The following MGAT5 variants were observed in gnomAD, a reference collection of about 807,000 sequenced individuals.
MGAT5 encodes the protein alpha-1,6-mannosylglycoprotein 6-beta-N-acetylglucosaminyltransferase.
MGAT5 carries 30 observed loss-of-function variants against 94.3 expected under a neutral mutation model. The ratio of observed to expected loss-of-function variants is 0.32; its 90% CI spans 0.24 to 0.43. The LOEUF (loss-of-function observed/expected upper bound fraction) is 0.43, where lower values mean the gene tolerates loss of function less well. Among genes scored for constraint, MGAT5 ranks in the 20% least tolerant of loss-of-function variants. MGAT5 has a pLI of 1.00. For missense variants in MGAT5, 691 were observed against 905.5 expected (o/e 0.76, Z 3.04); for synonymous variants, 310 against 322.9 (o/e 0.96, Z 0.43).
At chr2:134,302,345 T>A (rs2105827783) in intron 2 of MGAT5, among the ~76,000 whole-genome samples, 1 of 152,314 alleles carries the variant, frequency 6.6e-6, no homozygotes, top group Admixed American at 6.5e-5. Flanking sequence ...CTTTGTACTA[T>A]TGTTGTTCAA....
intron 10 of MGAT5, among the ~76,000 whole-genome samples, chr2:134,370,998 T>C (rs1297755373): frequency 6.6e-6 from 1 of 151,472 alleles, no homozygotes; most frequent in Non-Finnish European, 1.5e-5. Context: ...CCTTACCCGA[T>C]GTCATCACCC....
chr2:134,380,478 G>C (rs1057210568), intron 10 of MGAT5, among the ~76,000 whole-genome samples: 19 of 152,116 alleles, frequency 1.2e-4, no homozygotes, highest in South Asian at 2.1e-4. Context: ...AAGAAAAAGG[G>C]ACATGGATTA....
At chr2:134,236,825 G>A (rs1681662751) in intron 1 of MGAT5, among the ~76,000 whole-genome samples, 1 of 152,110 alleles carries the variant, frequency 6.6e-6, no homozygotes, top group Admixed American at 6.5e-5. Flanking sequence ...ACTCTGTCTT[G>A]TACCCTCAGT....
chr2:134,386,852 G>C lies in MGAT5; in HGVS notation c.1381-16136G>C, dbSNP rs138428518. Among the ~76,000 whole-genome samples the C allele has an allele frequency of 4.4e-4, 67 of 152,270 alleles. 1 individual carries two copies. Among genetic ancestry groups the C allele is most frequent in the African/African-American group, 1.5e-3 (63 of 41,538 alleles). On this transcript the variant is annotated intron_variant, in intron 10 of 15. Coordinates refer to ENST00000281923, the MANE Select transcript of MGAT5 (RefSeq NM_002410.5). ...TAGAGAAGTAGTTCTATATGCTTAG[G>C]AAATATGTATATATGGGATATCTCA...
At chr2:134,323,602 A>C (rs1056547922) in intron 4 of MGAT5, among the ~76,000 whole-genome samples, 2 of 152,124 alleles carry the variant, frequency 1.3e-5, no homozygotes, top group Non-Finnish European at 2.9e-5. Flanking sequence ...TGATGAAGGA[A>C]AACGGATCTT....
chr2:134,402,918 AGTC>A (rs1254262182), intron 10 of MGAT5, 67 bp from the exon 11 acceptor site: 2 of 1,446,832 alleles, frequency 1.4e-6, no homozygotes, highest in African/African-American at 1.4e-5. Flanking sequence ...TAGAAGTTCT[AGTC>A]CATGATACAG....
chr2:134,277,248 C>A (rs1226588365), intron 2 of MGAT5, among the ~76,000 whole-genome samples: 1 of 152,026 alleles, frequency 6.6e-6, no homozygotes, highest in Non-Finnish European at 1.5e-5. Flanking sequence ...ATAGTAGTGT[C>A]CATTTCACAG....
intron 15 of MGAT5, among the ~76,000 whole-genome samples, chr2:134,444,465 T>G (rs1396009797): frequency 6.6e-6 from 1 of 152,154 alleles, no homozygotes; most frequent in African/African-American, 2.4e-5. Flanking sequence ...TCTCTGAACA[T>G]AAGAACCCTG....
Position 134,272,744 on chromosome 2 carries a change from G to A in MGAT5, c.406+2194G>A, listed in dbSNP as rs190065929. Among the ~76,000 whole-genome samples the A allele has an allele frequency of 5.3e-5, 8 of 152,314 alleles. No homozygotes were observed. The East Asian group carries it at 1.5e-3, about 29-fold the overall frequency. ...TTTAAGTACTTGGGAGTGGGTGACT[G>A]TTGGTACTGGAGTCCCCTGAGCTCA... On this transcript the variant is annotated intron_variant, in intron 2 of 15. Coordinates refer to ENST00000281923, the MANE Select transcript of MGAT5 (RefSeq NM_002410.5).
chr2:134,265,602 C>T (rs1683664988), intron 1 of MGAT5, among the ~76,000 whole-genome samples: 1 of 152,162 alleles, frequency 6.6e-6, no homozygotes, highest in Non-Finnish European at 1.5e-5. Flanking sequence ...TCGTCTTCAT[C>T]ATGTACAGTA....
At chr2:134,342,753 A>G (rs761918302) in intron 7 of MGAT5, among the ~76,000 whole-genome samples, 38 of 150,984 alleles carry the variant, frequency 2.5e-4, no homozygotes, top group South Asian at 6.3e-4. Flanking sequence ...TACACAACCT[A>G]CAAAGTGGCT....
chr2:134,392,398 T>C (rs1682463522), intron 10 of MGAT5, among the ~76,000 whole-genome samples: 1 of 152,208 alleles, frequency 6.6e-6, no homozygotes, highest in Admixed American at 6.5e-5. Flanking sequence ...GCTTCTGTCT[T>C]AAAAATCAGC....
At chr2:134,192,979 T>A (rs929599757) in intron 1 of MGAT5, among the ~76,000 whole-genome samples, 4 of 151,358 alleles carry the variant, frequency 2.6e-5, no homozygotes, top group Admixed American at 6.5e-5. Context: ...TTTAAAAAAA[T>A]TTTTCTTTGT....
chr2:134,440,133 A>G (rs1040675609), intron 14 of MGAT5, among the ~76,000 whole-genome samples: 11 of 151,962 alleles, frequency 7.2e-5, no homozygotes, highest in Admixed American at 4.6e-4. Context: ...GGTTTCCTCT[A>G]TTCCCTCTAG....
rs1558804137 is a variant in MGAT5 at position 134,338,438 on chromosome 2, T to G, written c.807+18T>G. 1 of 1,582,192 alleles carries G rather than the reference T, an allele frequency of 6.3e-7. No homozygotes were observed. The highest frequency in any genetic ancestry group is 2.3e-5 in the East Asian group (1 of 44,302). The stretch of plus-strand genomic sequence containing the variant: ...GGAAGAAAGTGAGTTTCTTATTAAT[T>G]CAGTGCAGTTAGATGCCAGCTTTCT... On this transcript the variant is annotated intron_variant, in intron 6 of 15. Transcript: ENST00000281923.
intron 10 of MGAT5, among the ~76,000 whole-genome samples, chr2:134,392,090 G>A (rs1039906351): frequency 5.3e-5 from 8 of 152,310 alleles, no homozygotes; most frequent in African/African-American, 1.9e-4. Context: ...AAATGGGGAG[G>A]AGGACGTAGA....
intron 2 of MGAT5, among the ~76,000 whole-genome samples, chr2:134,306,374 T>G (rs1686331246): frequency 6.6e-6 from 1 of 152,198 alleles, no homozygotes; most frequent in African/African-American, 2.4e-5. Context: ...ATATATAGCA[T>G]ACACTGTTTT....
chr2:134,362,120 G>C (rs1680133444), intron 9 of MGAT5, among the ~76,000 whole-genome samples, 155 bp from the exon 10 acceptor site: 1 of 152,202 alleles, frequency 6.6e-6, no homozygotes, highest in Non-Finnish European at 1.5e-5. Flanking sequence ...GTGTGGGAGA[G>C]ATGACAATCC....
chr2:134,247,833 T>A (rs1349171808), intron 1 of MGAT5, among the ~76,000 whole-genome samples: 1 of 152,168 alleles, frequency 6.6e-6, no homozygotes, highest in Non-Finnish European at 1.5e-5. Context: ...ATTTTCAGGT[T>A]TTTGATGCAA....
Sources: allele counts gnomAD v4.1 joint callset (sites outside exome capture counted in the v4.1 genomes callset), GRCh38; gene constraint gnomAD v4.1.1; transcripts MANE v1.5; gene names NCBI Gene and HGNC (gene_info 2026-07-23, HGNC 2026-07-21).